ELOC: variants seen among roughly 807,000 people sequenced by gnomAD.
ELOC encodes elongin C, also known as elongin-C.
For missense variants in ELOC, 38 were observed against 139.0 expected (o/e 0.27, Z 3.65); for synonymous variants, 40 against 51.3 (o/e 0.78, Z 0.94).
chr8:73,963,760 A>G (rs1318041897), intron 1 of ELOC, among the ~76,000 whole-genome samples: 4 of 152,218 alleles, frequency 2.6e-5, no homozygotes, highest in African/African-American at 9.6e-5. Flanking sequence ...CTGGAAAAAT[A>G]GCAGAAAAAA....
At chr8:73,966,918 T>C (rs550636802) in intron 1 of ELOC, among the ~76,000 whole-genome samples, 3 of 152,286 alleles carry the variant, frequency 2.0e-5, no homozygotes, top group East Asian at 1.9e-4. Context: ...CAGCCCTCCA[T>C]ATAATGTAGT....
At chr8:73,969,078 C>T (rs916091111) in intron 1 of ELOC, among the ~76,000 whole-genome samples, 6 of 152,132 alleles carry the variant, frequency 3.9e-5, no homozygotes, top group Non-Finnish European at 8.8e-5. Flanking sequence ...AATATGACTC[C>T]CAGATCATCT....
At chr8:73,950,446 A>T (rs1046854149) in intron 3 of ELOC, among the ~76,000 whole-genome samples, 21 of 152,266 alleles carry the variant, frequency 1.4e-4, no homozygotes, top group African/African-American at 4.3e-4. Flanking sequence ...AGTCTTTATC[A>T]TCTTTCCCAT....
intron 2 of ELOC, among the ~76,000 whole-genome samples, chr8:73,956,859 T>C (rs1468830790): frequency 6.6e-6 from 1 of 152,152 alleles, no homozygotes; most frequent in Non-Finnish European, 1.5e-5. Flanking sequence ...TGATCAAGTA[T>C]GTATTTAGGC....
intron 1 of ELOC, among the ~76,000 whole-genome samples, chr8:73,971,307 A>C (rs1428406668): frequency 6.6e-6 from 1 of 152,154 alleles, no homozygotes; most frequent in East Asian, 1.9e-4. Context: ...AGGCTGAGGC[A>C]GGAGAATCAC....
rs1452511406 is a variant in ELOC at position 73,959,804 on chromosome 8, A to C, written c.-36T>G. The C allele has an allele frequency of 6.5e-7, 1 of 1,538,402 alleles. No homozygotes were observed. Among genetic ancestry groups the C allele is most frequent in the South Asian group, 1.3e-5 (1 of 79,246 alleles). On this transcript the variant is annotated 5_prime_UTR_variant, in exon 2 of 4. Coordinates refer to ENST00000520242, the MANE Select transcript of ELOC (RefSeq NM_005648.4). Reference sequence around the variant, plus strand: ...TGAAATTCTACTTTGCTTCCCCAGGAACTTTAGTAGTTTCCTGAAAATATA... The same window carrying C: ...TGAAATTCTACTTTGCTTCCCCAGGCACTTTAGTAGTTTCCTGAAAATATA...
At chr8:73,956,536 T>C (rs1274225011) in intron 2 of ELOC, among the ~76,000 whole-genome samples, 2 of 152,226 alleles carry the variant, frequency 1.3e-5, no homozygotes, top group Non-Finnish European at 2.9e-5. Context: ...TCTATCAACA[T>C]CTTCCATTAT....
Position 73,955,908 on chromosome 8 carries a change from T to C in ELOC, c.148+3A>G, listed in dbSNP as rs754484897. On this transcript the variant is annotated splice_donor_region_variant and intron_variant, in intron 3 of 3. Transcript: ENST00000520242. ...ATGAAGAAAAAGACAGAACTGTGCTTACCTGGGCCACTCAACATGGCTTTT... is the reference window on the plus strand; with the variant it reads ...ATGAAGAAAAAGACAGAACTGTGCTCACCTGGGCCACTCAACATGGCTTTT... 9.9e-6 allele frequency: 16 copies of C among 1,611,124 alleles called. No individual in the cohort carries two copies. The highest frequency in any genetic ancestry group is 1.4e-5 in the Non-Finnish European group (16 of 1,177,822).
intron 3 of ELOC, among the ~76,000 whole-genome samples, chr8:73,954,483 G>A (rs1221851912): frequency 5.3e-5 from 8 of 151,660 alleles, no homozygotes; most frequent in Non-Finnish European, 1.0e-4. Context: ...GTGAAACCCC[G>A]TCTCTACTAA....
chr8:73,954,665 AAAG>A (rs1814027004), intron 3 of ELOC, among the ~76,000 whole-genome samples: 1 of 151,270 alleles, frequency 6.6e-6, no homozygotes, highest in Non-Finnish European at 1.5e-5. Context: ...AAAAAAAAAA[AAAG>A]AATAGAGATT....
At chr8:73,968,340 C>T (rs1025917039) in intron 1 of ELOC, among the ~76,000 whole-genome samples, 1 of 152,120 alleles carries the variant, frequency 6.6e-6, no homozygotes. Flanking sequence ...TGTTTATTAC[C>T]CAGAGTCGCC....
Position 73,971,215 on chromosome 8 carries a change from G to A in ELOC, c.-51+862C>T, listed in dbSNP as rs541382408. Among the ~76,000 whole-genome samples, 64 of 152,116 alleles carry A rather than the reference G, an allele frequency of 4.2e-4. No individual in the cohort carries two copies. The East Asian group carries it at 0.012, about 28-fold the overall frequency. ...GAGGTCAGGAGTTCCAGACCAGCCTGGCCAACATGTCGAAACCCCGTCTCT... is the reference window on the plus strand; with the variant it reads ...GAGGTCAGGAGTTCCAGACCAGCCTAGCCAACATGTCGAAACCCCGTCTCT... On this transcript the variant is annotated intron_variant, in intron 1 of 3. Coordinates refer to ENST00000520242, the MANE Select transcript of ELOC (RefSeq NM_005648.4).
intron 2 of ELOC, 114 bp downstream of exon 2, chr8:73,959,651 A>T: frequency 1.2e-6 from 1 of 854,062 alleles, no homozygotes; most frequent in Non-Finnish European, 1.8e-6. Context: ...GTTGATGTGG[A>T]CAACTAATTT....
intron 3 of ELOC, among the ~76,000 whole-genome samples, chr8:73,947,278 C>T (rs1182467558): frequency 6.6e-6 from 1 of 152,044 alleles, no homozygotes; most frequent in Non-Finnish European, 1.5e-5. Context: ...TGAGCCACCG[C>T]GCCCGGCCAT....
chr8:73,954,577 G>A (rs1009421110), intron 3 of ELOC, among the ~76,000 whole-genome samples: 8 of 151,430 alleles, frequency 5.3e-5, no homozygotes, highest in Non-Finnish European at 1.2e-4. Context: ...ACTTGAACCC[G>A]GGAGGCGAAG....
intron 1 of ELOC, among the ~76,000 whole-genome samples, chr8:73,970,399 G>C (rs1360916870): frequency 1.3e-5 from 2 of 152,080 alleles, no homozygotes; most frequent in Admixed American, 1.3e-4. Flanking sequence ...ATAACTTCTG[G>C]CTGTAAACTA....
At chr8:73,961,509 T>C (rs1814591816) in intron 1 of ELOC, among the ~76,000 whole-genome samples, 1 of 151,960 alleles carries the variant, frequency 6.6e-6, no homozygotes, top group East Asian at 1.9e-4. Flanking sequence ...CAAAGTACCA[T>C]CACTCTCTCT....
intron 3 of ELOC, among the ~76,000 whole-genome samples, 172 bp from the exon 4 acceptor site, chr8:73,946,992 T>C (rs1043667916): frequency 1.3e-5 from 2 of 151,956 alleles, no homozygotes; most frequent in African/African-American, 4.8e-5. Flanking sequence ...TTGGTGTCTT[T>C]TTGTTTGTTT....
At chr8:73,965,853 G>C (rs188696665) in intron 1 of ELOC, among the ~76,000 whole-genome samples, 6 of 152,312 alleles carry the variant, frequency 3.9e-5, no homozygotes, top group African/African-American at 1.2e-4. Context: ...AATGCTAACA[G>C]AGGAGGAATA....
Sources: allele counts gnomAD v4.1 joint callset (sites outside exome capture counted in the v4.1 genomes callset), GRCh38; gene constraint gnomAD v4.1.1; transcripts MANE v1.5; gene names NCBI Gene and HGNC (gene_info 2026-07-23, HGNC 2026-07-21).